The following LPCAT2 variants were observed in gnomAD, a reference collection of about 807,000 sequenced individuals.
LPCAT2 encodes lysophosphatidylcholine acyltransferase 2.
In LPCAT2, 58 loss-of-function variants were observed where a neutral mutation model predicts 64.7. The ratio of observed to expected loss-of-function variants is 0.90; its 90% CI spans 0.73 to 1.12. The LOEUF is 1.12. Ranked by LOEUF, LPCAT2 falls within the 50% of genes most tolerant of loss-of-function variation. The probability of loss-of-function intolerance (pLI) is 0.00; values close to 1 mark genes in which losing one functional copy is unlikely to be tolerated. For synonymous variants in LPCAT2, 252 were observed against 245.3 expected, an observed-to-expected ratio of 1.03 and a Z score of -0.26; for missense variants, 579 against 669.8, an observed-to-expected ratio of 0.86 and a Z score of 1.50.
At chr16:55,535,334 C>A (rs1963310525) in intron 7 of LPCAT2, among the ~76,000 whole-genome samples, 1 of 152,120 alleles carries the variant, frequency 6.6e-6, no homozygotes, top group African/African-American at 2.4e-5. Flanking sequence ...GTAATCCAAC[C>A]AACTTCTGAA....
chr16:55,550,745 C>T (rs8054374), intron 10 of LPCAT2, among the ~76,000 whole-genome samples: 3 of 152,096 alleles, frequency 2.0e-5, no homozygotes, highest in Admixed American at 6.5e-5. Flanking sequence ...GAAACCCCAT[C>T]TCTCCTAAAA....
chr16:55,573,952 C>T (rs1264186438), intron 11 of LPCAT2, among the ~76,000 whole-genome samples: 1 of 152,078 alleles, frequency 6.6e-6, no homozygotes, highest in African/African-American at 2.4e-5. Context: ...TTTAGTCAGC[C>T]TGAATTACAA....
At chr16:55,578,809 A>T (rs1463276030) in intron 12 of LPCAT2, among the ~76,000 whole-genome samples, 1 of 152,092 alleles carries the variant, frequency 6.6e-6, no homozygotes, top group African/African-American at 2.4e-5. Flanking sequence ...GACCCAACTC[A>T]AATGTCAACT....
intron 10 of LPCAT2, 69 bp from the exon 11 acceptor site, chr16:55,550,880 T>A: frequency 8.1e-7 from 1 of 1,230,278 alleles, no homozygotes; most frequent in Non-Finnish European, 1.1e-6. Context: ...AATAAAATAA[T>A]GATCATAAAA....
intron 2 of LPCAT2, among the ~76,000 whole-genome samples, chr16:55,527,322 A>G (rs140368185): frequency 0.016 from 2,366 of 152,036 alleles, 57 homozygotes; most frequent in African/African-American, 0.05. Flanking sequence ...CATCTCTACT[A>G]AAAATACAAA....
chr16:55,522,969 T>C (rs560198425), intron 1 of LPCAT2, among the ~76,000 whole-genome samples: 37 of 151,786 alleles, frequency 2.4e-4, no homozygotes, highest in African/African-American at 8.2e-4. Context: ...AACTTCATCA[T>C]AATTAAAATT....
rs1191361275 is a variant in LPCAT2, at chr16:55,545,788, T to G, written c.906T>G (p.Phe302Leu). 1.2e-6 allele frequency: 2 copies of G among 1,613,162 alleles called. No individual in the cohort carries two copies. ...AAGAAAAAAATGATCCTGTCCTTTTTGCCAATAAAGTCCGGAATTTAATGG... is the reference window on the plus strand; with the variant it reads ...AAGAAAAAAATGATCCTGTCCTTTTGGCCAATAAAGTCCGGAATTTAATGG... ...NDEEKNDPVL[F>L]ANKVRNLMAE... The change falls in exon 9 of 14, where the codon TTT becomes TTG. Residue 302 changes from phenylalanine to leucine, a missense_variant. By Grantham distance (22) the Phe-to-Leu change is conservative. Coordinates refer to ENST00000262134, the MANE Select transcript of LPCAT2 (RefSeq NM_017839.5).
chr16:55,579,045 T>C, intron 12 of LPCAT2, 64 bp from the exon 13 acceptor site: 1 of 1,492,410 alleles, frequency 6.7e-7, no homozygotes, highest in South Asian at 1.2e-5. Context: ...GACTTTATTT[T>C]CCAAGATTAT....
intron 11 of LPCAT2, 78 bp from the exon 12 acceptor site, chr16:55,574,553 C>T (rs980865374): frequency 1.4e-5 from 14 of 1,000,244 alleles, no homozygotes; most frequent in East Asian, 2.4e-5. Flanking sequence ...TAAGACATAC[C>T]TGAATTTTAC....
At chr16:55,546,108 G>T (rs913777365) in intron 9 of LPCAT2, among the ~76,000 whole-genome samples, 1 of 151,770 alleles carries the variant, frequency 6.6e-6, no homozygotes, top group Non-Finnish European at 1.5e-5. Flanking sequence ...TCCTAAGCTG[G>T]CCCGCCACTG....
chr16:55,552,113 T>A (rs2142400787), intron 11 of LPCAT2, among the ~76,000 whole-genome samples: 1 of 152,268 alleles, frequency 6.6e-6, no homozygotes, highest in South Asian at 2.1e-4. Flanking sequence ...CTTCCCCCAG[T>A]TTTAAGTCCT....
At chr16:55,556,022 C>G (rs2142403549) in intron 11 of LPCAT2, among the ~76,000 whole-genome samples, 1 of 152,194 alleles carries the variant, frequency 6.6e-6, no homozygotes, top group Non-Finnish European at 1.5e-5. Context: ...ACCATGTTGG[C>G]CAGGCTGGTC....
chr16:55,560,046 C>G (rs1963618924), intron 11 of LPCAT2, among the ~76,000 whole-genome samples: 3 of 152,074 alleles, frequency 2.0e-5, no homozygotes, highest in Admixed American at 2.0e-4. Context: ...AGAAAGGAGA[C>G]TGTAAAATTA....
intron 8 of LPCAT2, chr16:55,540,034 A>T (rs1963376959): frequency 6.6e-6 from 1 of 152,050 alleles, no homozygotes; most frequent in African/African-American, 2.4e-5. Context: ...CTTTAGTTTC[A>T]CAAGTCTCCC....
intron 10 of LPCAT2, 113 bp downstream of exon 10, chr16:55,549,515 A>G (rs1963491523): frequency 6.7e-6 from 7 of 1,048,980 alleles, no homozygotes; most frequent in Non-Finnish European, 9.3e-6. Flanking sequence ...CATTTGGTGT[A>G]TATTAGGAAA....
chr16:55,516,910 A>T (rs1323342909), intron 1 of LPCAT2, among the ~76,000 whole-genome samples: 1 of 152,248 alleles, frequency 6.6e-6, no homozygotes, highest in African/African-American at 2.4e-5. Flanking sequence ...ATAAATATAA[A>T]GTGGTTAAAA....
Position 55,515,169 on chromosome 16 carries a change from A to G in LPCAT2, c.171+5817A>G, listed in dbSNP as rs117943545. Among the ~76,000 whole-genome samples the G allele has an allele frequency of 2.7e-3, 418 of 152,260 alleles. 10 individuals carry two copies. In the South Asian group the frequency reaches 0.051, roughly 18 times the overall value. ...AGAAATAATGCCCAAAAACTTGCTG[A>G]TTTTGATTAAAAACACTAATCTGCC... is the stretch of plus-strand genomic sequence containing the variant. On this transcript the variant is annotated intron_variant, in intron 1 of 13. Coordinates refer to ENST00000262134, the MANE Select transcript of LPCAT2 (RefSeq NM_017839.5).
chr16:55,574,011 A>G (rs901570100), intron 11 of LPCAT2, among the ~76,000 whole-genome samples: 1 of 152,160 alleles, frequency 6.6e-6, no homozygotes, highest in Non-Finnish European at 1.5e-5. Context: ...CTCCTAAGGT[A>G]TATTATACTA....
intron 10 of LPCAT2, 46 bp from the exon 11 acceptor site, chr16:55,550,903 T>C: frequency 7.2e-7 from 1 of 1,382,698 alleles, no homozygotes. Flanking sequence ...TGCATGTGAA[T>C]TGTAAAGGGC....
Sources: allele counts gnomAD v4.1 joint callset (sites outside exome capture counted in the v4.1 genomes callset), GRCh38; gene constraint gnomAD v4.1.1; transcripts MANE v1.5; gene names NCBI Gene and HGNC (gene_info 2026-07-23, HGNC 2026-07-21).